The following CMC1 variants were observed in gnomAD, a reference collection of about 807,000 sequenced individuals.
CMC1 encodes C-X9-C motif containing 1, also known as COX assembly mitochondrial protein homolog.
A neutral mutation model predicts 14.1 loss-of-function variants in CMC1; 14 were observed. That is an observed-to-expected ratio of 0.99 (90% CI 0.66 to 1.55). The LOEUF (loss-of-function observed/expected upper bound fraction) is 1.55. CMC1 is among the 40% of genes most tolerant of loss of function. The pLI is 0.00. For missense variants in CMC1, 127 were observed against 123.8 expected, an observed-to-expected ratio of 1.03 and a Z score of -0.12; for synonymous variants, 50 against 38.4, an observed-to-expected ratio of 1.30 and a Z score of -1.12.
chr3:28,256,814 A>G (rs936661187), intron 1 of CMC1, among the ~76,000 whole-genome samples: 8 of 152,210 alleles, frequency 5.3e-5, no homozygotes, highest in African/African-American at 1.9e-4. Context: ...TTTCTAAAGG[A>G]TGTAGCCAGC....
rs1559452806 is a variant in CMC1, at chr3:28,320,823, A to T, written c.*1194A>T. 1 of 151,034 alleles carries T rather than the reference A, an allele frequency of 6.6e-6. No homozygotes were observed. Among genetic ancestry groups the T allele is most frequent in the African/African-American group, 2.4e-5 (1 of 41,276 alleles). The allele number at this position is 151,034 out of a possible 1,614,324, so 9.4% of individuals were successfully genotyped here. Reference sequence around the variant, plus strand: ...AATTTGAGCTTTTATATTAAAAGTTATTTTTTCCCCATGAGCTGTTAACTC... The same window carrying T: ...AATTTGAGCTTTTATATTAAAAGTTTTTTTTTCCCCATGAGCTGTTAACTC... On this transcript the variant is annotated 3_prime_UTR_variant, in exon 4 of 4. Transcript: ENST00000466830.
rs1703210673 is a variant in CMC1, at chr3:28,322,347, C to A, written c.*2718C>A. The A allele has an allele frequency of 6.6e-6, 1 of 151,270 alleles. No individual in the cohort carries two copies. The highest frequency in any genetic ancestry group is 6.6e-5 in the Admixed American group (1 of 15,118). The allele number at this position is 151,270 out of a possible 1,614,324, so 9.4% of individuals were successfully genotyped here. On this transcript the variant is annotated 3_prime_UTR_variant, in exon 4 of 4. Coordinates refer to ENST00000466830, the MANE Select transcript of CMC1 (RefSeq NM_182523.2). ...ATCTATAGGCAAGGACAATATTTCA[C>A]ATCCACTTCAATTTCAAACAAAAAT...
intron 2 of CMC1, among the ~76,000 whole-genome samples, chr3:28,302,506 C>T (rs938054129): frequency 9.9e-5 from 15 of 152,164 alleles, no homozygotes; most frequent in South Asian, 2.1e-4. Context: ...TTGGTGCTTT[C>T]ATTGTCCACA....
rs1015858853 is a variant in CMC1 at position 28,323,886 on chromosome 3, G to T, written c.*4257G>T. The T allele has an allele frequency of 3.9e-6, 3 of 766,408 alleles. No homozygotes were observed. The highest frequency in any genetic ancestry group is 6.0e-6 in the Non-Finnish European group (3 of 498,644). 47.5% of individuals were successfully genotyped at this position (766,408 alleles called of 1,614,324 possible). A position where few individuals can be genotyped will look rare whatever the true frequency, so the allele number is the denominator to read the frequency against. ...TTCATACTAGAAAACCAACTATGTT[G>T]GTTTTTGTACTATTGTACAGTGTGT... On this transcript the variant is annotated 3_prime_UTR_variant, in exon 4 of 4. Coordinates refer to ENST00000466830, the MANE Select transcript of CMC1 (RefSeq NM_182523.2).
Position 28,324,407 on chromosome 3 carries a change from T to C in CMC1, c.*4778T>C. ...GCAGTAAAATTCATCAAGTGCAGTTTTGTGCTGTCTCTTCCAAGGTCTTCA... is the reference window on the plus strand; with the variant it reads ...GCAGTAAAATTCATCAAGTGCAGTTCTGTGCTGTCTCTTCCAAGGTCTTCA... On this transcript the variant is annotated 3_prime_UTR_variant, in exon 4 of 4. Transcript: ENST00000466830. 6.5e-7 allele frequency: 1 copy of C among 1,542,934 alleles called. No homozygotes were observed. Among genetic ancestry groups the C allele is most frequent in the Non-Finnish European group, 8.7e-7 (1 of 1,143,872 alleles).
At position 28,316,322 on chromosome 3, in the gene CMC1, A is replaced by T. The variant is rs746545124; in HGVS notation, c.110-11A>T. 1 of 1,491,844 alleles carries T rather than the reference A, an allele frequency of 6.7e-7. No individual in the cohort carries two copies. Among genetic ancestry groups the T allele is most frequent in the Non-Finnish European group, 9.1e-7 (1 of 1,098,924 alleles). 92.4% of individuals were successfully genotyped at this position (1,491,844 alleles called of 1,614,324 possible). On this transcript the variant is annotated splice_polypyrimidine_tract_variant and intron_variant, in intron 2 of 3. Transcript: ENST00000466830. ...ATTACAAGTAATTTTTTCCTTCCAA[A>T]TTTATTTCAGATTTTACCAAATGTT...
intron 2 of CMC1, among the ~76,000 whole-genome samples, chr3:28,271,392 AG>A (rs1700279953): frequency 6.6e-6 from 1 of 152,158 alleles, no homozygotes; most frequent in Non-Finnish European, 1.5e-5. Context: ...GGTGTAAGGA[AG>A]GGGTCCAGTT....
rs1222262761 is a variant in CMC1, at chr3:28,319,681, A to G, written c.*52A>G. 1 of 1,490,346 alleles carries G rather than the reference A, an allele frequency of 6.7e-7. No individual in the cohort carries two copies. The highest frequency in any genetic ancestry group is 9.1e-7 in the Non-Finnish European group (1 of 1,099,272). The allele number at this position is 1,490,346 out of a possible 1,614,324, so 92.3% of individuals were successfully genotyped here. ...CTCTAATATTCATGGAAGTCATTTT[A>G]TAGTCCTTAAATAATGGACTCAAGC... On this transcript the variant is annotated 3_prime_UTR_variant, in exon 4 of 4. Coordinates refer to ENST00000466830, the MANE Select transcript of CMC1 (RefSeq NM_182523.2).
At chr3:28,254,313 T>G (rs1699285473) in intron 1 of CMC1, among the ~76,000 whole-genome samples, 1 of 152,194 alleles carries the variant, frequency 6.6e-6, no homozygotes. Context: ...TGAAGATAGC[T>G]TTTTCAAAAA....
chr3:28,243,841 T>A (rs565875033), intron 1 of CMC1, among the ~76,000 whole-genome samples: 2 of 152,308 alleles, frequency 1.3e-5, no homozygotes, highest in Admixed American at 6.5e-5. Flanking sequence ...CACACACACA[T>A]ACACACACAC....
chr3:28,267,619 G>A (rs1179345051), intron 2 of CMC1, among the ~76,000 whole-genome samples: 5 of 152,132 alleles, frequency 3.3e-5, no homozygotes, highest in Admixed American at 1.3e-4. Context: ...AGGAAGCATG[G>A]GTTATTTGTT....
chr3:28,277,953 GAGAC>G (rs769525523), intron 2 of CMC1, among the ~76,000 whole-genome samples: 2 of 119,620 alleles, frequency 1.7e-5, no homozygotes, highest in South Asian at 6.9e-4. Flanking sequence ...ACAATGAAAA[GAGAC>G]AGGGTCTGAT....
chr3:28,253,177 G>A (rs2125436183), intron 1 of CMC1, among the ~76,000 whole-genome samples: 1 of 152,318 alleles, frequency 6.6e-6, no homozygotes, highest in Non-Finnish European at 1.5e-5. Context: ...GATTCCTGGT[G>A]TGAAGCACTT....
At chr3:28,274,111 TGTG>T (rs1478103960) in intron 2 of CMC1, among the ~76,000 whole-genome samples, 170 of 152,178 alleles carry the variant, frequency 1.1e-3, no homozygotes, top group Middle Eastern at 6.8e-3. Context: ...TATTGTTATA[TGTG>T]AATTTGGTCC....
intron 2 of CMC1, among the ~76,000 whole-genome samples, chr3:28,268,776 G>C (rs577922656): frequency 9.2e-5 from 14 of 152,270 alleles, no homozygotes; most frequent in African/African-American, 3.4e-4. Flanking sequence ...TGCCTATCAT[G>C]CCTGGTGTTA....
intron 1 of CMC1, among the ~76,000 whole-genome samples, chr3:28,250,338 T>A (rs1699070782): frequency 6.6e-6 from 1 of 152,094 alleles, no homozygotes; most frequent in South Asian, 2.1e-4. Flanking sequence ...GATGGAGAAA[T>A]GTTGAATTGA....
At chr3:28,309,941 CCACACACACACACACACACACA>C (rs57007112) in intron 2 of CMC1, among the ~76,000 whole-genome samples, 4,017 of 132,570 alleles carry the variant, frequency 0.03, 161 homozygotes, top group African/African-American at 0.1. Flanking sequence ...CTGACGTCCA[CCACACACACACACACACACACA>C]CACACACACA....
intron 1 of CMC1, among the ~76,000 whole-genome samples, chr3:28,249,805 A>G (rs1699032246): frequency 1.4e-5 from 2 of 144,222 alleles, no homozygotes; most frequent in Non-Finnish European, 1.6e-5. Context: ...TAAAAAATGT[A>G]CATTAATTTT....
In CMC1 at chr3:28,324,654, T is replaced by C. The variant is rs1195815150; in HGVS notation, c.*5025T>C. The stretch of plus-strand genomic sequence containing the variant: ...TCCTGGATCAGCAATTTACTGTGAC[T>C]TTAGATATTTGTCTCTTAGCTGCTC... On this transcript the variant is annotated 3_prime_UTR_variant, in exon 4 of 4. Coordinates refer to ENST00000466830, the MANE Select transcript of CMC1 (RefSeq NM_182523.2). 2.3e-6 allele frequency: 1 copy of C among 426,190 alleles called. No individual in the cohort carries two copies. Among genetic ancestry groups the C allele is most frequent in the Non-Finnish European group, 4.0e-6 (1 of 247,424 alleles). 26.4% of individuals were successfully genotyped at this position (426,190 alleles called of 1,614,324 possible).
Sources: allele counts gnomAD v4.1 joint callset (sites outside exome capture counted in the v4.1 genomes callset), GRCh38; gene constraint gnomAD v4.1.1; transcripts MANE v1.5; gene names NCBI Gene and HGNC (gene_info 2026-07-23, HGNC 2026-07-21).